The following SLC2A8 variants were observed in gnomAD, a reference collection of about 807,000 sequenced individuals.
SLC2A8 encodes solute carrier family 2, facilitated glucose transporter member 8.
Under a neutral mutation model 49.2 loss-of-function variants are expected in SLC2A8, and 53 were observed. The observed-to-expected ratio is 1.08, with a 90% confidence interval of 0.86 to 1.35. SLC2A8 has a LOEUF of 1.35. Among genes scored for constraint, SLC2A8 ranks in the 40% most tolerant of loss-of-function variants. The pLI, the probability that SLC2A8 is intolerant of heterozygous loss-of-function variation, is 0.00. For missense variants in SLC2A8, 688 were observed against 671.7 expected (o/e 1.02, Z -0.27); for synonymous variants, 299 against 297.0 (o/e 1.01, Z -0.07).
intron 2 of SLC2A8, 121 bp downstream of exon 2, chr9:127,397,659 AC>A (rs1367216007): frequency 1.3e-5 from 17 of 1,270,224 alleles, no homozygotes; most frequent in Admixed American, 3.9e-5. Flanking sequence ...CGCCGCCACC[AC>A]CTTTCCCCAC....
intron 2 of SLC2A8, 101 bp from the exon 3 acceptor site, chr9:127,397,804 G>A: frequency 1.6e-6 from 2 of 1,272,750 alleles, no homozygotes; most frequent in African/African-American, 1.6e-5. Flanking sequence ...GGACGGGCGC[G>A]GGGCCCCGGC....
At position 127,397,420 on chromosome 9, in the gene SLC2A8, C is replaced by T. The variant is rs1458501100; in HGVS notation, c.101C>T (p.Ala34Val). 2 of 1,485,632 alleles carry T rather than the reference C, an allele frequency of 1.3e-6. No individual in the cohort carries two copies. The highest frequency in any genetic ancestry group is 1.5e-5 in the African/African-American group (1 of 68,394). The allele number at this position is 1,485,632 out of a possible 1,614,324, so 92.0% of individuals were successfully genotyped here. The change falls in exon 2 of 10, where the codon GCC (alanine) becomes GTC (valine). Residue 34 changes from alanine (A) to valine (V), a missense_variant. Transcript: ENST00000373371. ...RRVFLAAFAA[A>V]LGPLSFGFAL... ...GTCTTCCTCGCCGCCTTCGCCGCTG[C>T]CCTGGGCCCACTCAGCTTCGGCTTC... is the stretch of plus-strand genomic sequence containing the variant.
In SLC2A8 at chr9:127,398,111, G is replaced by C; in HGVS notation, c.426G>C (p.Pro142=). The change falls in exon 3 of 10, where the codon CCG becomes CCC. Residue 142 remains proline, a splice_region_variant and synonymous_variant. Transcript: ENST00000373371. ...GCGGTGTTGCCTCCCTAGTGGCCCC[G>C]GTGAGTGTCCCGTCTCTCGAGTGTC... ...LACGVASLVA[P]VYISEIAYPA... The C allele has an allele frequency of 2.5e-6, 4 of 1,573,990 alleles. No homozygotes were observed. The highest frequency in any genetic ancestry group is 3.4e-6 in the Non-Finnish European group (4 of 1,163,062).
Position 127,398,130 on chromosome 9 carries a change from G to T in SLC2A8, c.426+19G>T. Reference sequence around the variant, plus strand: ...GGCCCCGGTGAGTGTCCCGTCTCTCGAGTGTCCTGTCTCGCGGCCTGAGAC... The same window carrying T: ...GGCCCCGGTGAGTGTCCCGTCTCTCTAGTGTCCTGTCTCGCGGCCTGAGAC... On this transcript the variant is annotated intron_variant, in intron 3 of 9. Coordinates refer to ENST00000373371, the MANE Select transcript of SLC2A8 (RefSeq NM_014580.5). 1 of 1,566,172 alleles carries T rather than the reference G, an allele frequency of 6.4e-7. No individual in the cohort carries two copies. The highest frequency in any genetic ancestry group is 8.6e-7 in the Non-Finnish European group (1 of 1,158,310).
chr9:127,403,637 A>G, intron 5 of SLC2A8, 23 bp from the exon 6 acceptor site: 1 of 1,612,360 alleles, frequency 6.2e-7, no homozygotes, highest in Middle Eastern at 1.7e-4. Context: ...AGAAATCCTG[A>G]TGGCCAGTAT....
intron 8 of SLC2A8, 102 bp from the exon 9 acceptor site, chr9:127,405,318 C>T (rs945224434): frequency 2.2e-6 from 3 of 1,383,750 alleles, no homozygotes; most frequent in East Asian, 4.7e-5. Flanking sequence ...CGGGACCCCA[C>T]AGCCCCACAG....
At chr9:127,405,599 C>T (rs1589013041) in intron 9 of SLC2A8, 34 bp downstream of exon 9, 1 of 1,610,982 alleles carries the variant, frequency 6.2e-7, no homozygotes, top group Non-Finnish European at 8.5e-7. Flanking sequence ...CGCGTTCGTG[C>T]AGTCAGCCGA....
At position 127,407,599 on chromosome 9, in the gene SLC2A8, G is replaced by T. The variant is rs539241537; in HGVS notation, c.*350G>T. On this transcript the variant is annotated 3_prime_UTR_variant, in exon 10 of 10. Coordinates refer to ENST00000373371, the MANE Select transcript of SLC2A8 (RefSeq NM_014580.5). ...GAGGTTGGGTGCTGGGCATTCAGTC[G>T]CTCCTCTCACGCGGCTGCCTTATCG... 7.7e-6 allele frequency: 3 copies of T among 389,944 alleles called. No individual in the cohort carries two copies. In the Admixed American group the frequency reaches 1.1e-4, roughly 14 times the overall value. The allele number at this position is 389,944 out of a possible 1,614,324, so 24.2% of individuals were successfully genotyped here.
rs147882717 is a variant in SLC2A8, at chr9:127,405,539, G to A, written c.1270G>A (p.Val424Met). ...VLTNWLMAFL[V>M]TKEFSSLMEV... ...CACCAACTGGCTCATGGCCTTTCTCGTGACCAAGGAGTTCAGCAGCCTCAT... is the reference window on the plus strand; with the variant it reads ...CACCAACTGGCTCATGGCCTTTCTCATGACCAAGGAGTTCAGCAGCCTCAT... The change falls in exon 9 of 10, where the codon GTG becomes ATG. Residue 424 changes from valine (V) to methionine (M), a missense_variant. Physicochemically the swap from Val to Met is conservative, Grantham distance 21. Coordinates refer to ENST00000373371, the MANE Select transcript of SLC2A8 (RefSeq NM_014580.5). 89 of 1,613,212 alleles carry A rather than the reference G, an allele frequency of 5.5e-5. No homozygotes were observed. The highest frequency in any genetic ancestry group is 5.5e-4 in the African/African-American group (41 of 75,062).
In SLC2A8 at chr9:127,403,661, G is replaced by A; in HGVS notation, c.725G>A (p.Ser242Asn). 6.2e-7 allele frequency: 1 copy of A among 1,612,960 alleles called. No homozygotes were observed. Among genetic ancestry groups the A allele is most frequent in the Non-Finnish European group, 8.5e-7 (1 of 1,179,958 alleles). ...WEDPPIGAEQ[S>N]FHLALLRQPG... ...GATGGCCAGTATCCGTCAGAGCAGAGCTTTCACCTGGCCCTGCTGCGGCAG... is the reference window on the plus strand; with the variant it reads ...GATGGCCAGTATCCGTCAGAGCAGAACTTTCACCTGGCCCTGCTGCGGCAG... The change falls in exon 6 of 10, where the codon AGC becomes AAC. Residue 242 changes from serine to asparagine, a missense_variant and splice_region_variant. By Grantham distance (46) the Ser-to-Asn change is conservative. Coordinates refer to ENST00000373371, the MANE Select transcript of SLC2A8 (RefSeq NM_014580.5).
rs1449914340 is a variant in SLC2A8, at chr9:127,397,546, C to T, written c.219+8C>T. ...GCCGCCTCCTGGTTCGGGGTGAGGC[C>T]CCGGGCTCGCTCCTCCCGCCCTGGG... On this transcript the variant is annotated splice_region_variant and intron_variant, in intron 2 of 9. Coordinates refer to ENST00000373371, the MANE Select transcript of SLC2A8 (RefSeq NM_014580.5). 2 of 1,402,680 alleles carry T rather than the reference C, an allele frequency of 1.4e-6. No homozygotes were observed. The highest frequency in any genetic ancestry group is 3.0e-5 in the East Asian group (1 of 33,666). The allele number at this position is 1,402,680 out of a possible 1,614,324, so 86.9% of individuals were successfully genotyped here. A position where few individuals can be genotyped will look rare whatever the true frequency, so the allele number is the denominator to read the frequency against.
intron 7 of SLC2A8, 99 bp from the exon 8 acceptor site, chr9:127,404,718 TG>T: frequency 7.4e-7 from 1 of 1,358,524 alleles, no homozygotes; most frequent in Non-Finnish European, 9.9e-7. Context: ...GGCCGTTCTC[TG>T]GGAGCCGGGC....
Position 127,407,300 on chromosome 9 carries a change from A to G in SLC2A8, c.*51A>G. 2 of 1,607,408 alleles carry G rather than the reference A, an allele frequency of 1.2e-6. No individual in the cohort carries two copies. Among genetic ancestry groups the G allele is most frequent in the Non-Finnish European group, 1.7e-6 (2 of 1,175,842 alleles). ...AGCCTGTGACTCCAAGCTGGGCCCA[A>G]GCCCAGAGCCCCTGCCTGCCCCAGG... On this transcript the variant is annotated 3_prime_UTR_variant, in exon 10 of 10. Coordinates refer to ENST00000373371, the MANE Select transcript of SLC2A8 (RefSeq NM_014580.5).
chr9:127,405,487 G>A lies in SLC2A8; in HGVS notation c.1218G>A (p.Lys406=). ...CAGAGATCTTCCCTCTGCATGTCAA[G>A]GGCGTGGCGACAGGCATCTGCGTCC... ...LMSEIFPLHV[K]GVATGICVLT... Residue 406 remains lysine, a synonymous_variant, in exon 9 of 10, where the codon AAG becomes AAA. Transcript: ENST00000373371. 1 of 1,613,216 alleles carries A rather than the reference G, an allele frequency of 6.2e-7. No homozygotes were observed. Among genetic ancestry groups the A allele is most frequent in the Non-Finnish European group, 8.5e-7 (1 of 1,180,010 alleles).
In SLC2A8 at chr9:127,402,770, C is replaced by T. The variant is rs1252393298; in HGVS notation, c.723+17C>T. ...GCTGAGCAGGTGAGAGGCTGGAAGG[C>T]AGAGCTGACAGGAGTGGGACAGCAG... On this transcript the variant is annotated intron_variant, in intron 5 of 9. Coordinates refer to ENST00000373371, the MANE Select transcript of SLC2A8 (RefSeq NM_014580.5). The T allele has an allele frequency of 3.9e-6, 6 of 1,520,512 alleles. No individual in the cohort carries two copies. Among genetic ancestry groups the T allele is most frequent in the Non-Finnish European group, 5.3e-6 (6 of 1,133,190 alleles). The allele number at this position is 1,520,512 out of a possible 1,614,324, so 94.2% of individuals were successfully genotyped here. A position where few individuals can be genotyped will look rare whatever the true frequency, so the allele number is the denominator to read the frequency against.
rs948092275 is a variant in SLC2A8, at chr9:127,407,504, C to T, written c.*255C>T. 1.4e-5 allele frequency: 9 copies of T among 622,588 alleles called. No individual in the cohort carries two copies. The highest frequency in any genetic ancestry group is 7.0e-5 in the East Asian group (2 of 28,594). 38.6% of individuals were successfully genotyped at this position (622,588 alleles called of 1,614,324 possible). A position where few individuals can be genotyped will look rare whatever the true frequency, so the allele number is the denominator to read the frequency against. On this transcript the variant is annotated 3_prime_UTR_variant, in exon 10 of 10. Transcript: ENST00000373371. ...GCAGACCTGCGGTCAGCCCTCCATG[C>T]GCAAGACTAAAGCAGCGGAAGAGGA...
chr9:127,397,680 A>G, intron 2 of SLC2A8, 142 bp downstream of exon 2: 1 of 1,208,990 alleles, frequency 8.3e-7, no homozygotes, highest in Non-Finnish European at 1.1e-6. Context: ...CGAGACAGGC[A>G]TTGGGCCTCT....
At chr9:127,406,717 C>A (rs991018273) in intron 9 of SLC2A8, among the ~76,000 whole-genome samples, 4 of 90,828 alleles carry the variant, frequency 4.4e-5, no homozygotes, top group Non-Finnish European at 8.3e-5. Flanking sequence ...ATTTCCACCA[C>A]ACTATGAAAG....
At chr9:127,404,786 T>C (rs1564219037) in intron 7 of SLC2A8, 32 bp from the exon 8 acceptor site, 6 of 1,595,762 alleles carry the variant, frequency 3.8e-6, no homozygotes, top group South Asian at 1.1e-5. Flanking sequence ...GTTCCCCGGG[T>C]GCCCCGCCCA....
Sources: gnomAD v4.1 joint callset for allele counts (sites outside exome capture counted in the v4.1 genomes callset) on GRCh38, gnomAD v4.1.1 for gene constraint, MANE v1.5 for transcripts, NCBI Gene and HGNC (gene_info 2026-07-23, HGNC 2026-07-21) for gene names.